DNER: variants seen among roughly 807,000 people sequenced by gnomAD.
The protein encoded by DNER is delta and Notch-like epidermal growth factor-related receptor.
DNER carries 33 observed loss-of-function variants against 78.2 expected under a neutral mutation model. That is an observed-to-expected ratio of 0.42 (90% CI 0.32 to 0.56). The LOEUF (loss-of-function observed/expected upper bound fraction) is 0.56, where lower values mean the gene tolerates loss of function less well. Ranked by LOEUF, DNER falls within the 20% of genes least tolerant of loss-of-function variation. The pLI, the probability that DNER is intolerant of heterozygous loss-of-function variation, is 0.11. For synonymous variants in DNER, 417 were observed against 384.8 expected (o/e 1.08, Z -0.98); for missense variants, 918 against 975.3 (o/e 0.94, Z 0.78).
chr2:229,637,173 T>TA (rs1344170781), intron 1 of DNER, among the ~76,000 whole-genome samples: 1 of 152,138 alleles, frequency 6.6e-6, no homozygotes, highest in African/African-American at 2.4e-5. Context: ...CACACATACT[T>TA]ACATCTGTCA....
chr2:229,373,245 A>G (rs1370578197), intron 11 of DNER, among the ~76,000 whole-genome samples: 1 of 152,216 alleles, frequency 6.6e-6, no homozygotes, highest in Non-Finnish European at 1.5e-5. Context: ...AAACAATTGA[A>G]CAAACAAAAA....
At chr2:229,711,232 C>T (rs1213769294) in intron 1 of DNER, among the ~76,000 whole-genome samples, 2 of 152,042 alleles carry the variant, frequency 1.3e-5, no homozygotes, top group Non-Finnish European at 2.9e-5. Flanking sequence ...CCTGGGCTTT[C>T]TTATCAGCTT....
chr2:229,393,413 G>A (rs1038846249), intron 10 of DNER, among the ~76,000 whole-genome samples: 2 of 151,634 alleles, frequency 1.3e-5, no homozygotes, highest in African/African-American at 2.4e-5. Flanking sequence ...GTGACAGAGT[G>A]AGACTCCGTC....
At position 229,591,794 on chromosome 2, in the gene DNER, T is replaced by C. The variant is rs1462708558; in HGVS notation, c.371A>G (p.Asn124Ser). 9 of 1,614,008 alleles carry C rather than the reference T, an allele frequency of 5.6e-6. No homozygotes were observed. Among genetic ancestry groups the C allele is most frequent in the Non-Finnish European group, 7.6e-6 (9 of 1,179,976 alleles). ...ACAGTTGGGACCTTCATAGCCTTCATTGCAAATGCAGAGGTAGCCATCGCT... is the reference window on the plus strand; with the variant it reads ...ACAGTTGGGACCTTCATAGCCTTCACTGCAAATGCAGAGGTAGCCATCGCT... ...SSSDGYLCIC[N>S]EGYEGPNCEQ... Residue 124 changes from asparagine (N) to serine (S), a missense_variant, in exon 2 of 13, where the codon AAT (asparagine) becomes AGT (serine). Coordinates refer to ENST00000341772, the MANE Select transcript of DNER (RefSeq NM_139072.4). The surrounding 1 kb of genome is among the most constrained non-coding windows in gnomAD (Gnocchi z 4.6).
At chr2:229,366,315 G>T (rs1692345850) in intron 12 of DNER, among the ~76,000 whole-genome samples, 1 of 152,178 alleles carries the variant, frequency 6.6e-6, no homozygotes, top group Non-Finnish European at 1.5e-5. Context: ...AAACTACCGA[G>T]TCAGGTAACG....
At chr2:229,654,089 T>C (rs2080486) in intron 1 of DNER, among the ~76,000 whole-genome samples, 113,090 of 151,468 alleles carry the variant, frequency 0.75, 43,206 homozygotes, top group Non-Finnish European at 0.83. Flanking sequence ...TTACATTAGG[T>C]ATATCTCCCT....
chr2:229,673,323 A>G (rs534512766), intron 1 of DNER, among the ~76,000 whole-genome samples: 1 of 152,006 alleles, frequency 6.6e-6, no homozygotes, highest in Admixed American at 6.6e-5. Flanking sequence ...TAGGTCCACT[A>G]CAGCTCATCC....
At chr2:229,507,875 C>A (rs1236705657) in intron 6 of DNER, among the ~76,000 whole-genome samples, 1 of 151,976 alleles carries the variant, frequency 6.6e-6, no homozygotes, top group Non-Finnish European at 1.5e-5. Flanking sequence ...ATGTATTAAC[C>A]AGAAAAGTAA....
chr2:229,458,791 GA>G, intron 7 of DNER, among the ~76,000 whole-genome samples: 1 of 151,146 alleles, frequency 6.6e-6, no homozygotes, highest in African/African-American at 2.4e-5. Context: ...AAAAGTAAAA[GA>G]AATAAAAAAC....
intron 11 of DNER, among the ~76,000 whole-genome samples, chr2:229,387,958 AT>A (rs1415070977): frequency 6.6e-6 from 1 of 151,912 alleles, no homozygotes; most frequent in African/African-American, 2.4e-5. Flanking sequence ...TGTTCAGCAC[AT>A]TTTTGGCTGC....
chr2:229,680,638 C>T (rs1279386925), intron 1 of DNER, among the ~76,000 whole-genome samples: 1 of 152,168 alleles, frequency 6.6e-6, no homozygotes, highest in African/African-American at 2.4e-5. Context: ...CTCTTCATGC[C>T]CTTTTAAGCA....
chr2:229,499,625 A>C (rs955911424), intron 6 of DNER, among the ~76,000 whole-genome samples: 1 of 151,906 alleles, frequency 6.6e-6, no homozygotes, highest in Non-Finnish European at 1.5e-5. Flanking sequence ...ACAGAAAAAA[A>C]AAAATAGAAG....
chr2:229,570,784 G>A (rs1697205048), intron 4 of DNER, among the ~76,000 whole-genome samples: 1 of 152,140 alleles, frequency 6.6e-6, no homozygotes, highest in Non-Finnish European at 1.5e-5. Flanking sequence ...AGGCAAAGCA[G>A]GTGGGGGAGG....
rs1467172596 is a variant in DNER, at chr2:229,634,274, C to CTTCT, written c.277-42387_277-42386insAGAA. 3.8e-3 allele frequency among the ~76,000 whole-genome samples: 570 copies of CTTCT among 151,986 alleles called. 5 individuals carry two copies. Among genetic ancestry groups the CTTCT allele is most frequent in the African/African-American group, 0.013 (523 of 41,374 alleles). On this transcript the variant is annotated intron_variant, in intron 1 of 12. Coordinates refer to ENST00000341772, the MANE Select transcript of DNER (RefSeq NM_139072.4). ...CCTTCTTTCCTTCCTTCCTTCCTTC[C>CTTCT]TTCCTTCTTTCCTTCATTCCTTTCT...
chr2:229,511,863 T>C (rs1278502319), intron 6 of DNER, among the ~76,000 whole-genome samples: 1 of 152,186 alleles, frequency 6.6e-6, no homozygotes, highest in Non-Finnish European at 1.5e-5. Context: ...CGTAGCCCCA[T>C]GTGAACTTTC....
chr2:229,621,303 A>T (rs1698247587), intron 1 of DNER, among the ~76,000 whole-genome samples: 1 of 152,194 alleles, frequency 6.6e-6, no homozygotes, highest in South Asian at 2.1e-4. Context: ...AATCTTCCTA[A>T]AGCACAGCGT....
At chr2:229,381,002 G>GC (rs1435413902) in intron 11 of DNER, among the ~76,000 whole-genome samples, 1 of 152,208 alleles carries the variant, frequency 6.6e-6, no homozygotes, top group Non-Finnish European at 1.5e-5. Flanking sequence ...AATAGGAACA[G>GC]CTCTGGTGTG....
intron 7 of DNER, among the ~76,000 whole-genome samples, chr2:229,463,064 T>C (rs1475795896): frequency 2.0e-5 from 3 of 152,092 alleles, no homozygotes; most frequent in Non-Finnish European, 4.4e-5. Flanking sequence ...AGCACTTTTA[T>C]TTGCAATGAA....
At chr2:229,391,394 C>A (rs371898864) in intron 10 of DNER, among the ~76,000 whole-genome samples, 29 of 152,262 alleles carry the variant, frequency 1.9e-4, no homozygotes, top group African/African-American at 6.0e-4. Flanking sequence ...GGCTCACTTA[C>A]TCTTTTTAAA....
Sources: gnomAD v4.1 joint callset for allele counts (sites outside exome capture counted in the v4.1 genomes callset) on GRCh38, gnomAD v4.1.1 for gene constraint, Gnocchi (gnomAD v3.1) non-coding constraint, MANE v1.5 for transcripts, NCBI Gene and HGNC (gene_info 2026-07-23, HGNC 2026-07-21) for gene names.